The following CSMD1 variants were observed in gnomAD, a reference collection of about 807,000 sequenced individuals.
The protein encoded by CSMD1 is CUB and sushi domain-containing protein 1.
CSMD1 carries 213 observed loss-of-function variants against 417.5 expected under a neutral mutation model. The ratio of observed to expected loss-of-function variants is 0.51; its 90% CI spans 0.46 to 0.57. CSMD1 has a LOEUF of 0.57. CSMD1 is among the 20% of genes least tolerant of loss of function. The probability of loss-of-function intolerance (pLI) is 0.00; values close to 1 mark genes in which losing one functional copy is unlikely to be tolerated. For synonymous variants in CSMD1, 2,862 were observed against 1,736.8 expected (o/e 1.65, Z -16.11); for missense variants, 6,923 against 4,529.7 (o/e 1.53, Z -15.17).
intron 1 of CSMD1, among the ~76,000 whole-genome samples, chr8:4,892,682 CAT>C (rs989832236): frequency 2.2e-4 from 34 of 152,148 alleles, no homozygotes; most frequent in African/African-American, 7.5e-4. Context: ...TCTATGCATT[CAT>C]ATAGTCTTTT....
At chr8:4,785,356 G>A (rs553222111) in intron 1 of CSMD1, among the ~76,000 whole-genome samples, 99 of 152,264 alleles carry the variant, frequency 6.5e-4, no homozygotes, top group African/African-American at 2.3e-3. Context: ...ATGGTGTGGA[G>A]GTGGTCTCAG....
chr8:3,651,706 C>G (rs1797865870), intron 7 of CSMD1, among the ~76,000 whole-genome samples: 1 of 152,074 alleles, frequency 6.6e-6, no homozygotes, highest in Admixed American at 6.6e-5. Flanking sequence ...GCGCTTACCA[C>G]CATCACAGTG....
intron 49 of CSMD1, among the ~76,000 whole-genome samples, chr8:3,055,516 A>G (rs906311450): frequency 3.9e-5 from 6 of 152,196 alleles, no homozygotes; most frequent in African/African-American, 1.4e-4. Flanking sequence ...TTCCTGCTCA[A>G]GTTTAGTATT....
intron 7 of CSMD1, among the ~76,000 whole-genome samples, chr8:3,642,898 T>C (rs7842704): frequency 2.6e-4 from 39 of 151,854 alleles, no homozygotes; most frequent in Non-Finnish European, 3.4e-4. Context: ...TACACACACA[T>C]ATATATATAA....
At chr8:4,711,095 T>C (rs1463470080) in intron 1 of CSMD1, among the ~76,000 whole-genome samples, 1 of 151,632 alleles carries the variant, frequency 6.6e-6, no homozygotes, top group Non-Finnish European at 1.5e-5. Flanking sequence ...CAGTCTTATG[T>C]AAATAGCAAA....
intron 18 of CSMD1, among the ~76,000 whole-genome samples, chr8:3,374,321 C>T (rs560317513): frequency 6.6e-6 from 1 of 152,210 alleles, no homozygotes; most frequent in African/African-American, 2.4e-5. Context: ...TCTATCCCAT[C>T]CTGCATTTAG....
intron 3 of CSMD1, among the ~76,000 whole-genome samples, chr8:4,312,273 G>A (rs71523625): frequency 6.6e-6 from 1 of 151,286 alleles, no homozygotes; most frequent in Non-Finnish European, 1.5e-5. Flanking sequence ...GCAAACTTTA[G>A]CATTGATGTA....
intron 10 of CSMD1, among the ~76,000 whole-genome samples, chr8:3,559,235 A>G (rs547233479): frequency 1.3e-4 from 20 of 152,354 alleles, no homozygotes; most frequent in South Asian, 8.3e-4. Context: ...CAACATTACC[A>G]TAATTCCAAT....
intron 7 of CSMD1, among the ~76,000 whole-genome samples, chr8:3,680,583 T>C (rs190503546): frequency 6.6e-6 from 1 of 152,262 alleles, no homozygotes; most frequent in Non-Finnish European, 1.5e-5. Flanking sequence ...ACCAGATGGA[T>C]TCACAGCCGA....
chr8:4,578,151 G>C (rs751575360), intron 2 of CSMD1, among the ~76,000 whole-genome samples: 2 of 151,898 alleles, frequency 1.3e-5, no homozygotes, highest in African/African-American at 2.4e-5. Flanking sequence ...ACCACAGGCT[G>C]ATAAAAGAGC....
chr8:4,675,160 G>A (rs919949856), intron 1 of CSMD1, among the ~76,000 whole-genome samples: 3 of 152,160 alleles, frequency 2.0e-5, no homozygotes, highest in African/African-American at 4.8e-5. Flanking sequence ...TATAGTTTCA[G>A]TTTTTTCTTT....
chr8:3,849,286 C>A (rs773365954), intron 5 of CSMD1, among the ~76,000 whole-genome samples: 4 of 152,016 alleles, frequency 2.6e-5, no homozygotes, highest in Non-Finnish European at 5.9e-5. Flanking sequence ...TGTGCACAGA[C>A]AAAGATACAG....
intron 30 of CSMD1, among the ~76,000 whole-genome samples, chr8:3,213,176 C>T (rs918086688): frequency 2.0e-5 from 3 of 152,112 alleles, no homozygotes; most frequent in African/African-American, 7.2e-5. Flanking sequence ...CTGCCAGTAG[C>T]ATTGTTAGGC....
At chr8:3,849,455 G>C (rs1316650227) in intron 5 of CSMD1, among the ~76,000 whole-genome samples, 1 of 152,164 alleles carries the variant, frequency 6.6e-6, no homozygotes, top group East Asian at 1.9e-4. Flanking sequence ...CCTTCTGGCG[G>C]TTACTCCTTT....
chr8:3,828,612 T>G (rs138263129), intron 5 of CSMD1, among the ~76,000 whole-genome samples: 5 of 152,270 alleles, frequency 3.3e-5, no homozygotes, highest in African/African-American at 1.2e-4. Context: ...TTCCATTTCT[T>G]CCTGTCCCAA....
At chr8:3,520,653 C>G (rs1236581875) in intron 10 of CSMD1, among the ~76,000 whole-genome samples, 1 of 152,012 alleles carries the variant, frequency 6.6e-6, no homozygotes, top group Non-Finnish European at 1.5e-5. Context: ...ATCTCCGGGT[C>G]CTCTTTTGTT....
chr8:3,820,554 CGTT>C (rs1208366508), intron 5 of CSMD1, among the ~76,000 whole-genome samples: 1 of 151,988 alleles, frequency 6.6e-6, no homozygotes, highest in African/African-American at 2.4e-5. Flanking sequence ...TTCCATTTGT[CGTT>C]GTTGTGTTTT....
intron 6 of CSMD1, among the ~76,000 whole-genome samples, chr8:3,725,626 G>A (rs1241706055): frequency 6.6e-6 from 1 of 152,118 alleles, no homozygotes; most frequent in Non-Finnish European, 1.5e-5. Context: ...CAGGGAAGGA[G>A]TGATGTCCAA....
chr8:3,231,595 A>G (rs1798843010), intron 26 of CSMD1, among the ~76,000 whole-genome samples: 1 of 152,200 alleles, frequency 6.6e-6, no homozygotes, highest in Non-Finnish European at 1.5e-5. Context: ...AAAAAAGAAT[A>G]AGACCTGCTC....
Sources: gnomAD v4.1 joint callset for allele counts (sites outside exome capture counted in the v4.1 genomes callset) on GRCh38, gnomAD v4.1.1 for gene constraint, MANE v1.5 for transcripts, NCBI Gene and HGNC (gene_info 2026-07-23, HGNC 2026-07-21) for gene names.